EPHA6: variants seen among roughly 807,000 people sequenced by gnomAD.
The protein encoded by EPHA6 is EPH receptor A6, also known as ephrin type-A receptor 6.
A neutral mutation model predicts 112.0 loss-of-function variants in EPHA6; 50 were observed. The observed-to-expected ratio is 0.45, with a 90% CI of 0.36 to 0.56. The LOEUF is 0.56. Among genes scored for constraint, EPHA6 ranks in the 20% least tolerant of loss-of-function variants. EPHA6 has a pLI of 0.00. For missense variants in EPHA6, 1,280 were observed against 1,417.4 expected (o/e 0.90, Z 1.56); for synonymous variants, 529 against 490.7 (o/e 1.08, Z -1.03).
chr3:97,109,652 C>T (rs2047663598), intron 3 of EPHA6, among the ~76,000 whole-genome samples: 1 of 152,092 alleles, frequency 6.6e-6, no homozygotes, highest in Admixed American at 6.6e-5. Context: ...CGGTGAGAAG[C>T]ACAAAACTCC....
At chr3:97,163,490 C>A (rs574883091) in intron 3 of EPHA6, among the ~76,000 whole-genome samples, 1 of 152,238 alleles carries the variant, frequency 6.6e-6, no homozygotes, top group East Asian at 1.9e-4. Context: ...TCCAGGATTT[C>A]TGTCTTTATA....
In EPHA6 at chr3:97,354,235, C is replaced by T. The variant is rs147699911; in HGVS notation, c.1607-50915C>T. Among the ~76,000 whole-genome samples, 1,396 of 152,160 alleles carry T rather than the reference C, an allele frequency of 9.2e-3. 22 individuals are homozygous for T. The highest frequency in any genetic ancestry group is 0.03 in the African/African-American group (1,244 of 41,508). On this transcript the variant is annotated intron_variant, in intron 5 of 17. Transcript: ENST00000389672. ...ACCTAACTCTTCAGTGCCCAAACAT[C>T]GATGAACATCCACAAGCGTCAAGAC... is the stretch of plus-strand genomic sequence containing the variant.
chr3:97,124,499 AAGAG>A (rs376943060), intron 3 of EPHA6, among the ~76,000 whole-genome samples: 2 of 146,992 alleles, frequency 1.4e-5, no homozygotes, highest in Non-Finnish European at 3.0e-5. Context: ...GAAAGAAAGA[AAGAG>A]AAAGAAAGAT....
intron 5 of EPHA6, among the ~76,000 whole-genome samples, chr3:97,383,590 T>C (rs951989246): frequency 6.6e-6 from 1 of 152,110 alleles, no homozygotes; most frequent in African/African-American, 2.4e-5. Flanking sequence ...TATATTAGTT[T>C]GAATAAATGT....
chr3:97,739,716 T>G (rs1559640075), intron 16 of EPHA6, among the ~76,000 whole-genome samples: 1 of 152,100 alleles, frequency 6.6e-6, no homozygotes, highest in Non-Finnish European at 1.5e-5. Flanking sequence ...TTGCTTTCTC[T>G]CCTACTCAAG....
chr3:97,546,353 G>T (rs2092948129), intron 11 of EPHA6, among the ~76,000 whole-genome samples: 1 of 152,140 alleles, frequency 6.6e-6, no homozygotes, highest in Non-Finnish European at 1.5e-5. Flanking sequence ...TGAAATTCTG[G>T]GTTGAAAATT....
intron 14 of EPHA6, among the ~76,000 whole-genome samples, chr3:97,651,695 A>G (rs1013980127): frequency 2.6e-5 from 4 of 151,994 alleles, no homozygotes; most frequent in Admixed American, 2.0e-4. Context: ...TTTTCCCATG[A>G]TTTTAGAACA....
intron 5 of EPHA6, among the ~76,000 whole-genome samples, chr3:97,348,181 A>G (rs371651051): frequency 1.3e-5 from 2 of 152,118 alleles, no homozygotes; most frequent in Non-Finnish European, 2.9e-5. Flanking sequence ...ATGTAATGCC[A>G]TAGGCTAAGT....
chr3:97,417,630 C>A (rs972320942), intron 6 of EPHA6, among the ~76,000 whole-genome samples: 1 of 151,832 alleles, frequency 6.6e-6, no homozygotes, highest in Admixed American at 6.6e-5. Flanking sequence ...AAAATCTGAG[C>A]TTGGAGGGGA....
intron 3 of EPHA6, among the ~76,000 whole-genome samples, chr3:97,003,030 G>A (rs1346692812): frequency 6.6e-6 from 1 of 152,120 alleles, no homozygotes; most frequent in East Asian, 1.9e-4. Context: ...TTAATGCCAT[G>A]GTTGTTATGT....
At chr3:97,535,701 T>A (rs2092754904) in intron 11 of EPHA6, among the ~76,000 whole-genome samples, 1 of 152,156 alleles carries the variant, frequency 6.6e-6, no homozygotes, top group African/African-American at 2.4e-5. Context: ...CTGATCAAGA[T>A]AAAGATGCAG....
At chr3:96,822,724 TTTA>T (rs1342735632) in intron 1 of EPHA6, among the ~76,000 whole-genome samples, 2 of 150,302 alleles carry the variant, frequency 1.3e-5, no homozygotes, top group Non-Finnish European at 3.0e-5. Flanking sequence ...TTATATATAA[TTTA>T]TTATGTTAAT....
At chr3:97,482,877 CT>C (rs1444210735) in intron 9 of EPHA6, among the ~76,000 whole-genome samples, 1 of 152,140 alleles carries the variant, frequency 6.6e-6, no homozygotes. Context: ...TGATTATTGC[CT>C]GTAAAACCAT....
chr3:96,814,775 C>T lies in EPHA6; in HGVS notation c.152C>T (p.Ala51Val). 1 of 1,601,578 alleles carries T rather than the reference C, an allele frequency of 6.2e-7. No homozygotes were observed. The highest frequency in any genetic ancestry group is 8.5e-7 in the Non-Finnish European group (1 of 1,172,904). ...SRRGRPGTPP[A>V]GRVEEEEEEE... ...AGGGGGCGCCCCGGGACACCCCCTGCGGGCCGGGTGGAGGAGGAAGAGGAG... is the reference window on the plus strand; with the variant it reads ...AGGGGGCGCCCCGGGACACCCCCTGTGGGCCGGGTGGAGGAGGAAGAGGAG... Residue 51 changes from alanine (A) to valine (V), a missense_variant, in exon 1 of 18, where the codon GCG (alanine) becomes GTG (valine). Coordinates refer to ENST00000389672, the MANE Select transcript of EPHA6 (RefSeq NM_001080448.3).
intron 3 of EPHA6, among the ~76,000 whole-genome samples, chr3:97,011,506 G>A (rs970471404): frequency 2.0e-5 from 3 of 152,148 alleles, no homozygotes; most frequent in African/African-American, 7.2e-5. Flanking sequence ...GAGTAAGCTA[G>A]CAAACTGGCT....
At chr3:97,119,645 C>T (rs1576521537) in intron 3 of EPHA6, among the ~76,000 whole-genome samples, 1 of 151,938 alleles carries the variant, frequency 6.6e-6, no homozygotes, top group African/African-American at 2.4e-5. Context: ...TGAGTGATTA[C>T]TATGAATGAA....
chr3:96,865,694 C>CAAAAAAA (rs57565102), intron 1 of EPHA6, among the ~76,000 whole-genome samples: 11 of 81,998 alleles, frequency 1.3e-4, no homozygotes, highest in Non-Finnish European at 1.9e-4. Flanking sequence ...AAAAAACAAA[C>CAAAAAAA]AAAAAAAAAA....
chr3:97,261,534 T>C (rs1559835523), intron 5 of EPHA6, among the ~76,000 whole-genome samples: 1 of 152,208 alleles, frequency 6.6e-6, no homozygotes, highest in Non-Finnish European at 1.5e-5. Flanking sequence ...TTAACTTGTC[T>C]CTCATTTGTT....
At chr3:97,086,490 A>C (rs1318863982) in intron 3 of EPHA6, among the ~76,000 whole-genome samples, 8 of 152,112 alleles carry the variant, frequency 5.3e-5, no homozygotes, top group Admixed American at 2.6e-4. Context: ...GTTTTTAATA[A>C]GTTTTACAAT....
Sources: allele counts gnomAD v4.1 joint callset (sites outside exome capture counted in the v4.1 genomes callset), GRCh38; gene constraint gnomAD v4.1.1; transcripts MANE v1.5; gene names NCBI Gene and HGNC (gene_info 2026-07-23, HGNC 2026-07-21).